SLC30A9: variants seen among roughly 807,000 people sequenced by gnomAD.
SLC30A9 encodes the protein proton-coupled zinc antiporter SLC30A9, mitochondrial.
SLC30A9 carries 58 observed loss-of-function variants against 87.5 expected under a neutral mutation model. The observed-to-expected ratio is 0.66, with a 90% CI of 0.54 to 0.82. The LOEUF (loss-of-function observed/expected upper bound fraction) is 0.82, where lower values mean the gene tolerates loss of function less well. Among genes scored for constraint, SLC30A9 ranks in the 40% least tolerant of loss-of-function variants. SLC30A9 has a pLI of 0.00. For missense variants in SLC30A9, 557 were observed against 679.1 expected (o/e 0.82, Z 2.00); for synonymous variants, 234 against 233.0 (o/e 1.00, Z -0.04).
intron 17 of SLC30A9, chr4:42,078,585 A>C (rs1318898832): frequency 4.4e-6 from 1 of 224,946 alleles, no homozygotes; most frequent in Non-Finnish European, 8.7e-6. Flanking sequence ...AGTTTCTAAA[A>C]TAGTCAAAGG....
chr4:42,022,801 C>T, intron 4 of SLC30A9, 37 bp from the exon 5 acceptor site: 1 of 1,281,958 alleles, frequency 7.8e-7, no homozygotes, highest in Non-Finnish European at 1.1e-6. Context: ...ACTATATGCA[C>T]TTTGTCTGAA....
Position 41,990,754 on chromosome 4 carries a change from C to G in SLC30A9, c.103C>G (p.Arg35Gly). ...CRAAACNPSD[R>G]QEWQNLVTFG... ...GGCGGCGGCCTGTAATCCCAGCGAC[C>G]GCCAGGGTGAGTGTCCCGCGCTGGC... The change falls in exon 1 of 18, where the codon CGC becomes GGC. Residue 35 changes from arginine (R) to glycine (G), a missense_variant. By Grantham distance (125) the Arg-to-Gly change is moderately radical (BLOSUM62 -2). Transcript: ENST00000264451. The G allele has an allele frequency of 6.8e-6, 11 of 1,609,416 alleles. No individual in the cohort carries two copies. The highest frequency in any genetic ancestry group is 9.3e-6 in the Non-Finnish European group (11 of 1,178,050).
At chr4:42,039,167 T>C (rs866379845) in intron 8 of SLC30A9, 114 bp downstream of exon 8, 3 of 779,256 alleles carry the variant, frequency 3.8e-6, no homozygotes, top group South Asian at 3.4e-5. Flanking sequence ...AGGTTTATTT[T>C]GTTTTAGGAG....
At chr4:42,023,458 T>C in intron 6 of SLC30A9, 74 bp downstream of exon 6, 1 of 958,878 alleles carries the variant, frequency 1.0e-6, no homozygotes, top group South Asian at 1.4e-5. Context: ...GTAAGAACTC[T>C]CTAGTGCTAG....
At position 42,078,278 on chromosome 4, in the gene SLC30A9, A is replaced by G. The variant is rs372401693; in HGVS notation, c.1615A>G (p.Ile539Val). The change falls in exon 17 of 18, where the codon ATT becomes GTT. Residue 539 changes from isoleucine to valine, a missense_variant. Physicochemically the swap from Ile to Val is conservative, Grantham distance 29. Coordinates refer to ENST00000264451, the MANE Select transcript of SLC30A9 (RefSeq NM_006345.4). ...TATGCTTAAACATGGAGAAAATATT[A>G]TTGATACTTTAGGAGCTGAAGTAGA... ...TFMLKHGENI[I>V]DTLGAEVDRL... is the part of the protein sequence containing the mutation. The G allele has an allele frequency of 3.8e-6, 6 of 1,587,882 alleles. No homozygotes were observed. In the African/African-American group the frequency reaches 6.8e-5, roughly 18 times the overall value.
chr4:42,057,912 G>A (rs1717685021), intron 9 of SLC30A9, among the ~76,000 whole-genome samples: 1 of 151,784 alleles, frequency 6.6e-6, no homozygotes, highest in Non-Finnish European at 1.5e-5. Flanking sequence ...GACCATCCTG[G>A]CCAACATGGT....
chr4:42,066,039 C>A (rs1236886389), intron 12 of SLC30A9, among the ~76,000 whole-genome samples: 1 of 152,096 alleles, frequency 6.6e-6, no homozygotes, highest in Non-Finnish European at 1.5e-5. Flanking sequence ...ACAGCTATAG[C>A]AGTATGATGA....
chr4:42,010,302 C>A (rs1402251000), intron 2 of SLC30A9, among the ~76,000 whole-genome samples: 1 of 151,946 alleles, frequency 6.6e-6, no homozygotes, highest in Non-Finnish European at 1.5e-5. Flanking sequence ...GGGAGGGAGA[C>A]CCTGTCTCTA....
intron 8 of SLC30A9, among the ~76,000 whole-genome samples, chr4:42,048,242 A>G: frequency 6.6e-6 from 1 of 152,136 alleles, no homozygotes; most frequent in African/African-American, 2.4e-5. Context: ...AAAATAAATA[A>G]ACATTGTTTA....
At chr4:42,036,581 G>T (rs937070405) in intron 7 of SLC30A9, among the ~76,000 whole-genome samples, 1 of 152,144 alleles carries the variant, frequency 6.6e-6, no homozygotes, top group African/African-American at 2.4e-5. Context: ...GTCATATTTG[G>T]ATAAAAGGCT....
chr4:42,049,779 T>C (rs1472471084), intron 9 of SLC30A9, among the ~76,000 whole-genome samples: 1 of 152,164 alleles, frequency 6.6e-6, no homozygotes, highest in Non-Finnish European at 1.5e-5. Context: ...ATTTAAACTT[T>C]TGGAATAAAG....
At chr4:42,041,274 C>A (rs1179316642) in intron 8 of SLC30A9, among the ~76,000 whole-genome samples, 1 of 151,978 alleles carries the variant, frequency 6.6e-6, no homozygotes. Flanking sequence ...TCAAGAAAGC[C>A]AAGGGAAGAA....
At chr4:41,993,685 A>G (rs1312623025) in intron 1 of SLC30A9, among the ~76,000 whole-genome samples, 3 of 152,208 alleles carry the variant, frequency 2.0e-5, no homozygotes, top group Non-Finnish European at 4.4e-5. Flanking sequence ...CTCTGACCTA[A>G]CAGTTTTTAC....
At chr4:42,028,096 G>A (rs2343618) in intron 6 of SLC30A9, among the ~76,000 whole-genome samples, 98,447 of 152,144 alleles carry the variant, frequency 0.65, 36,037 homozygotes, top group East Asian at 0.96. Context: ...TGTATGTGGA[G>A]CAACCACAGG....
intron 2 of SLC30A9, among the ~76,000 whole-genome samples, chr4:42,009,115 C>T (rs571541129): frequency 2.0e-4 from 30 of 152,314 alleles, no homozygotes; most frequent in Admixed American, 3.9e-4. Context: ...AATATGGTTC[C>T]ACCATTCAGA....
At chr4:42,036,864 A>G (rs1284360942) in intron 7 of SLC30A9, among the ~76,000 whole-genome samples, 9 of 152,164 alleles carry the variant, frequency 5.9e-5, no homozygotes. Flanking sequence ...CTCAAGGGCT[A>G]TTGCCATTGC....
chr4:42,075,020 A>ACTATATATAT (rs1718463433), intron 15 of SLC30A9, among the ~76,000 whole-genome samples: 1 of 29,316 alleles, frequency 3.4e-5, no homozygotes, highest in Non-Finnish European at 5.8e-5. Flanking sequence ...AGAGTTAATG[A>ACTATATATAT]ATATATATAT....
chr4:42,069,266 A>C (rs1718208506), intron 14 of SLC30A9, among the ~76,000 whole-genome samples: 2 of 152,220 alleles, frequency 1.3e-5, no homozygotes, highest in Admixed American at 1.3e-4. Context: ...AAAAATATGT[A>C]ATGTGTTTTA....
At chr4:42,070,935 T>C (rs1024839212) in intron 15 of SLC30A9, among the ~76,000 whole-genome samples, 1 of 152,154 alleles carries the variant, frequency 6.6e-6, no homozygotes, top group Non-Finnish European at 1.5e-5. Context: ...CAAGTTGATA[T>C]AATGAGAATG....
Sources: allele counts gnomAD v4.1 joint callset (sites outside exome capture counted in the v4.1 genomes callset), GRCh38; gene constraint gnomAD v4.1.1; transcripts MANE v1.5; gene names NCBI Gene and HGNC (gene_info 2026-07-23, HGNC 2026-07-21).